The following BLVRA variants were observed in gnomAD, a reference collection of about 807,000 sequenced individuals.
The protein encoded by BLVRA is BVR A.
In BLVRA, 22 loss-of-function variants were observed where a neutral mutation model predicts 32.8. The observed-to-expected ratio is 0.67, with a 90% CI of 0.48 to 0.96. The LOEUF (loss-of-function observed/expected upper bound fraction) is 0.96, where lower values mean the gene tolerates loss of function less well. Ranked by LOEUF, BLVRA falls within the 40% of genes least tolerant of loss-of-function variation. BLVRA has a pLI of 0.00. For synonymous variants in BLVRA, 119 were observed against 141.3 expected (o/e 0.84, Z 1.12); for missense variants, 323 against 358.1 (o/e 0.90, Z 0.79).
chr7:43,800,664 T>A, intron 6 of BLVRA, 92 bp downstream of exon 6: 2 of 1,179,364 alleles, frequency 1.7e-6, no homozygotes, highest in East Asian at 4.9e-5. Flanking sequence ...TTATATTCAT[T>A]TCTGCTCAAG....
chr7:43,803,576 G>A, intron 6 of BLVRA, 100 bp from the exon 7 acceptor site: 1 of 1,354,828 alleles, frequency 7.4e-7, no homozygotes, highest in Non-Finnish European at 1.1e-6. Context: ...TGATCACTCG[G>A]CCACATCTTT....
At chr7:43,776,096 T>C (rs1373849190) in intron 2 of BLVRA, among the ~76,000 whole-genome samples, 6 of 152,218 alleles carry the variant, frequency 3.9e-5, no homozygotes, top group South Asian at 2.1e-4. Context: ...AACCAGCTCC[T>C]GGATTCATTA....
chr7:43,787,233 A>C lies in BLVRA; in HGVS notation c.13-671A>C, dbSNP rs887592772. 6.6e-6 allele frequency among the ~76,000 whole-genome samples: 1 copy of C among 152,164 alleles called. No individual in the cohort carries two copies. The highest frequency in any genetic ancestry group is 6.5e-5 in the Admixed American group (1 of 15,270). On this transcript the variant is annotated intron_variant, in intron 2 of 7. Transcript: ENST00000265523. This position sits in a 1 kb window ranked among gnomAD's most constrained non-coding sequence, Gnocchi z 4.5. ...CCACCGTGCCCAGTGCATGGAGATA[A>C]ATTTTATCAGTTTTTATTATACTGA...
intron 2 of BLVRA, among the ~76,000 whole-genome samples, chr7:43,782,098 G>A (rs981927205): frequency 8.5e-5 from 13 of 152,084 alleles, no homozygotes; most frequent in African/African-American, 2.7e-4. Flanking sequence ...GGGGTGCCTC[G>A]CTCATCTTAG....
intron 1 of BLVRA, chr7:43,764,217 G>GCACT (rs1385105690): frequency 1.3e-5 from 2 of 151,566 alleles, no homozygotes; most frequent in Admixed American, 1.3e-4. Context: ...AGTTCCTGTA[G>GCACT]CACTCGGCTG....
intron 1 of BLVRA, among the ~76,000 whole-genome samples, chr7:43,764,830 A>G (rs1585709143): frequency 6.6e-6 from 1 of 150,722 alleles, no homozygotes; most frequent in East Asian, 2.0e-4. Flanking sequence ...GAAAGAGAAC[A>G]TAAGGGTCAT....
chr7:43,769,562 A>G (rs934614690), intron 1 of BLVRA, among the ~76,000 whole-genome samples: 9 of 151,962 alleles, frequency 5.9e-5, no homozygotes, highest in African/African-American at 2.2e-4. Context: ...GGAAGGAGCA[A>G]TGGGAAGAGA....
At chr7:43,802,288 A>G (rs1585744349) in intron 6 of BLVRA, among the ~76,000 whole-genome samples, 1 of 152,322 alleles carries the variant, frequency 6.6e-6, no homozygotes, top group East Asian at 1.9e-4. Context: ...GGTTTTATAT[A>G]TAACTTATTA....
chr7:43,800,401 C>G, intron 5 of BLVRA, 64 bp from the exon 6 acceptor site: 2 of 1,451,512 alleles, frequency 1.4e-6, no homozygotes, highest in South Asian at 2.3e-5. Context: ...ACAGAGTACC[C>G]TCTGGGATGC....
Position 43,787,896 on chromosome 7 carries a change from T to C in BLVRA, c.13-8T>C. 1.2e-6 allele frequency: 2 copies of C among 1,614,200 alleles called. No individual in the cohort carries two copies. The highest frequency in any genetic ancestry group is 1.7e-6 in the Non-Finnish European group (2 of 1,180,030). The stretch of plus-strand genomic sequence containing the variant: ...TTTCAGACTCCACCTTGGTCCCTTG[T>C]GTTTCAGCCCGAGAGGAAGTTTGGC... On this transcript the variant is annotated splice_polypyrimidine_tract_variant and splice_region_variant and intron_variant, in intron 2 of 7. Coordinates refer to ENST00000265523, the MANE Select transcript of BLVRA (RefSeq NM_000712.4). This position sits in a 1 kb window ranked among gnomAD's most constrained non-coding sequence, Gnocchi z 4.5.
At chr7:43,795,613 T>A (rs1051589227) in intron 5 of BLVRA, among the ~76,000 whole-genome samples, 1 of 151,770 alleles carries the variant, frequency 6.6e-6, no homozygotes, top group African/African-American at 2.4e-5. Flanking sequence ...AGAAGAAAGA[T>A]CTCAATTCAA....
chr7:43,803,591 A>ACCCCCCC, intron 6 of BLVRA, 85 bp from the exon 7 acceptor site: 6 of 1,248,502 alleles, frequency 4.8e-6, no homozygotes, highest in South Asian at 2.4e-5. Flanking sequence ...ATCTTTTCAC[A>ACCCCCCC]CCCCCGCCAC....
intron 2 of BLVRA, among the ~76,000 whole-genome samples, chr7:43,784,773 A>AT (rs2095774922): frequency 6.6e-6 from 1 of 151,716 alleles, no homozygotes; most frequent in Non-Finnish European, 1.5e-5. Flanking sequence ...TACCTGGCTA[A>AT]TTTTTTGTAT....
chr7:43,774,846 G>A (rs1169151300), intron 2 of BLVRA, among the ~76,000 whole-genome samples: 2 of 152,134 alleles, frequency 1.3e-5, no homozygotes. Context: ...CTTTGAAGAG[G>A]TCCTTCACGT....
At chr7:43,794,265 C>G (rs1214894718) in intron 5 of BLVRA, among the ~76,000 whole-genome samples, 3 of 151,988 alleles carry the variant, frequency 2.0e-5, no homozygotes, top group Non-Finnish European at 4.4e-5. Flanking sequence ...AAGACCTACC[C>G]AGACAAACAA....
rs113506093 is a variant in BLVRA, at chr7:43,794,873, A to G, written c.352+2061A>G. Among the ~76,000 whole-genome samples, 512 of 152,346 alleles carry G rather than the reference A, an allele frequency of 3.4e-3. 1 individual carries two copies. The highest frequency in any genetic ancestry group is 0.02 in the Middle Eastern group (6 of 294). On this transcript the variant is annotated intron_variant, in intron 5 of 7. Transcript: ENST00000265523. ...AAATGGGGGGTCAGAGATATAAAGG[A>G]GTAGAATTTTGTATGTGATTGAGTT... is the stretch of plus-strand genomic sequence containing the variant.
chr7:43,785,093 GT>G (rs1181981902), intron 2 of BLVRA, among the ~76,000 whole-genome samples: 1 of 152,030 alleles, frequency 6.6e-6, no homozygotes, highest in Non-Finnish European at 1.5e-5. Flanking sequence ...TAATGGAGCT[GT>G]TTCTTAACCT....
At position 43,771,213 on chromosome 7, in the gene BLVRA, T is replaced by C. The variant is rs770877246; in HGVS notation, c.12+43T>C. 4 of 1,603,934 alleles carry C rather than the reference T, an allele frequency of 2.5e-6. No individual in the cohort carries two copies. The East Asian group carries it at 6.7e-5, about 27-fold the overall frequency. On this transcript the variant is annotated intron_variant, in intron 2 of 7. Transcript: ENST00000265523. ...ACCAGTTTAAGGGATGCTTTTCTTA[T>C]TGTGTCCCTCATTTCTCCTTTGCAG...
At position 43,807,270 on chromosome 7, in the gene BLVRA, C is replaced by T; in HGVS notation, c.*35C>T. Reference sequence around the variant, plus strand: ...GTGATGTAGCACTTCCAAGATGGCACCAGCATTTGGTTCTTCTCAAGAGTT... The same window carrying T: ...GTGATGTAGCACTTCCAAGATGGCATCAGCATTTGGTTCTTCTCAAGAGTT... On this transcript the variant is annotated 3_prime_UTR_variant, in exon 8 of 8. Transcript: ENST00000265523. 1 of 1,600,226 alleles carries T rather than the reference C, an allele frequency of 6.2e-7. No individual in the cohort carries two copies. The highest frequency in any genetic ancestry group is 8.5e-7 in the Non-Finnish European group (1 of 1,179,780).
Sources: gnomAD v4.1 joint callset for allele counts (sites outside exome capture counted in the v4.1 genomes callset) on GRCh38, gnomAD v4.1.1 for gene constraint, Gnocchi (gnomAD v3.1) non-coding constraint, MANE v1.5 for transcripts, NCBI Gene and HGNC (gene_info 2026-07-23, HGNC 2026-07-21) for gene names.